Variants in FSTL4 observed in about 807,000 individuals in gnomAD.
FSTL4 encodes follistatin-related protein 4.
FSTL4 carries 28 observed loss-of-function variants against 78.2 expected under a neutral mutation model. The ratio of observed to expected loss-of-function variants is 0.36; its 90% CI spans 0.27 to 0.49. The LOEUF (loss-of-function observed/expected upper bound fraction) is 0.49, where lower values mean the gene tolerates loss of function less well. Ranked by LOEUF, FSTL4 falls within the 20% of genes least tolerant of loss-of-function variation. FSTL4 has a pLI of 0.98. For synonymous variants in FSTL4, 422 were observed against 440.5 expected (o/e 0.96, Z 0.53); for missense variants, 922 against 1,084.9 (o/e 0.85, Z 2.11).
At chr5:133,510,147 T>A (rs1453015340) in intron 3 of FSTL4, among the ~76,000 whole-genome samples, 1 of 152,214 alleles carries the variant, frequency 6.6e-6, no homozygotes, top group Non-Finnish European at 1.5e-5. Flanking sequence ...TTGAAAGAAC[T>A]GAGGCATAGT....
chr5:133,636,139 T>C, the FSTL4 span, among the ~76,000 whole-genome samples: 1 of 152,152 alleles, frequency 6.6e-6, no homozygotes, highest in African/African-American at 2.4e-5. Flanking sequence ...GGCTGTTTCG[T>C]AGAAGATATT....
At chr5:133,213,008 T>C (rs887574001) in intron 13 of FSTL4, among the ~76,000 whole-genome samples, 1 of 137,846 alleles carries the variant, frequency 7.3e-6, no homozygotes, top group Non-Finnish European at 1.5e-5. Flanking sequence ...GAATAGAAAG[T>C]AAAGATTTTT....
chr5:133,206,279 T>C (rs1750502515), intron 14 of FSTL4, among the ~76,000 whole-genome samples: 1 of 152,188 alleles, frequency 6.6e-6, no homozygotes, highest in East Asian at 1.9e-4. Context: ...GTCAGTCAGT[T>C]AATTTTTTTA....
At chr5:133,651,105 A>G in the FSTL4 span, among the ~76,000 whole-genome samples, 1 of 152,226 alleles carries the variant, frequency 6.6e-6, no homozygotes, top group African/African-American at 2.4e-5. Flanking sequence ...CTGTGATATA[A>G]TTGCATATTA....
chr5:133,340,191 C>T (rs1434705171), intron 4 of FSTL4, among the ~76,000 whole-genome samples: 1 of 152,188 alleles, frequency 6.6e-6, no homozygotes, highest in Non-Finnish European at 1.5e-5. Flanking sequence ...AACCTCTGTC[C>T]TGTAATTGCT....
chr5:133,839,848 T>A, the FSTL4 span, among the ~76,000 whole-genome samples: 1 of 152,218 alleles, frequency 6.6e-6, no homozygotes, highest in East Asian at 1.9e-4. Context: ...ACAAGAAGTT[T>A]TTAAAAGGCT....
the FSTL4 span, among the ~76,000 whole-genome samples, chr5:133,810,440 G>A: frequency 9.2e-5 from 14 of 152,168 alleles, no homozygotes; most frequent in East Asian, 1.9e-4. Flanking sequence ...CTGAAGCTGC[G>A]TTGTTGTCTG....
the FSTL4 span, among the ~76,000 whole-genome samples, chr5:133,824,646 G>C: frequency 2.6e-5 from 4 of 152,210 alleles, no homozygotes; most frequent in Non-Finnish European, 4.4e-5. Context: ...AGAAGGCCCT[G>C]TGCCTTTCTC....
chr5:133,678,162 A>T, the FSTL4 span, among the ~76,000 whole-genome samples: 1 of 152,246 alleles, frequency 6.6e-6, no homozygotes, highest in African/African-American at 2.4e-5. Flanking sequence ...TCTTAATGCA[A>T]GGAGACAGAT....
chr5:133,723,830 T>C, the FSTL4 span, among the ~76,000 whole-genome samples: 1 of 152,146 alleles, frequency 6.6e-6, no homozygotes, highest in Non-Finnish European at 1.5e-5. Context: ...GAGGTCCACA[T>C]TGGCTGGGGA....
the FSTL4 span, among the ~76,000 whole-genome samples, chr5:133,825,889 A>G: frequency 6.6e-6 from 1 of 152,196 alleles, no homozygotes; most frequent in Non-Finnish European, 1.5e-5. Context: ...GCTGTCATCA[A>G]GTATTGTGTT....
At chr5:133,444,444 T>A (rs1452450304) in intron 3 of FSTL4, among the ~76,000 whole-genome samples, 1 of 152,202 alleles carries the variant, frequency 6.6e-6, no homozygotes, top group Non-Finnish European at 1.5e-5. Flanking sequence ...CCCTCTGTTC[T>A]CTCTCTTGCC....
At chr5:133,216,186 C>G (rs145758919) in intron 13 of FSTL4, among the ~76,000 whole-genome samples, 257 of 152,320 alleles carry the variant, frequency 1.7e-3, no homozygotes, top group African/African-American at 5.8e-3. Flanking sequence ...ATCAGAAAGT[C>G]TTTCAGGCTT....
the FSTL4 span, among the ~76,000 whole-genome samples, chr5:133,734,265 T>C: frequency 1.3e-5 from 2 of 152,160 alleles, no homozygotes; most frequent in Non-Finnish European, 2.9e-5. Context: ...AAACCAATTG[T>C]AAAGGCATCC....
chr5:133,449,637 G>A (rs532148332), intron 3 of FSTL4, among the ~76,000 whole-genome samples: 71 of 152,270 alleles, frequency 4.7e-4, no homozygotes, highest in South Asian at 2.1e-3. Flanking sequence ...AACCACCCCA[G>A]GCGGGGTCCG....
the FSTL4 span, among the ~76,000 whole-genome samples, chr5:133,800,932 T>TGGGAGGTG: frequency 1.1e-4 from 16 of 142,510 alleles, no homozygotes; most frequent in East Asian, 9.4e-4. Flanking sequence ...CAGGCACCGG[T>TGGGAGGTG]GGGAGGTGGG....
At chr5:133,495,741 T>C (rs1561739816) in intron 3 of FSTL4, among the ~76,000 whole-genome samples, 1 of 152,166 alleles carries the variant, frequency 6.6e-6, no homozygotes. Flanking sequence ...CTGTCCACTT[T>C]TGCAATTTGC....
chr5:133,378,443 C>CA (rs1259294940), intron 4 of FSTL4, among the ~76,000 whole-genome samples: 3 of 152,104 alleles, frequency 2.0e-5, no homozygotes, highest in Non-Finnish European at 2.9e-5. Flanking sequence ...TCTACAAAAA[C>CA]ACTGAAGAAA....
the FSTL4 span, among the ~76,000 whole-genome samples, chr5:133,786,512 G>A: frequency 6.6e-6 from 1 of 151,770 alleles, no homozygotes; most frequent in Non-Finnish European, 1.5e-5. Flanking sequence ...TGCAGTTGTG[G>A]ATCTACACTC....
Sources: allele counts gnomAD v4.1 joint callset (sites outside exome capture counted in the v4.1 genomes callset), GRCh38; gene constraint gnomAD v4.1.1; transcripts MANE v1.5; gene names NCBI Gene and HGNC (gene_info 2026-07-23, HGNC 2026-07-21).